The following SDK1 variants were observed in gnomAD, a reference collection of about 807,000 sequenced individuals.
SDK1 encodes the protein sidekick cell adhesion molecule 1.
Under a neutral mutation model 245.5 loss-of-function variants are expected in SDK1, and 157 were observed. The ratio of observed to expected loss-of-function variants is 0.64; its 90% CI spans 0.56 to 0.73. The LOEUF (loss-of-function observed/expected upper bound fraction) is 0.73, where lower values mean the gene tolerates loss of function less well. SDK1 is among the 30% of genes least tolerant of loss of function. SDK1 has a pLI of 0.00. For synonymous variants in SDK1, 1,647 were observed against 1,278.5 expected (o/e 1.29, Z -6.15); for missense variants, 3,583 against 3,002.3 (o/e 1.19, Z -4.52).
At position 4,091,800 on chromosome 7, in the gene SDK1, C is replaced by T. The variant is rs140118432; in HGVS notation, c.3324+12216C>T. Among the ~76,000 whole-genome samples the T allele has an allele frequency of 4.4e-3, 666 of 152,278 alleles. 8 individuals are homozygous for T. The highest frequency in any genetic ancestry group is 0.017 in the Middle Eastern group (5 of 294). On this transcript the variant is annotated intron_variant, in intron 22 of 44. Coordinates refer to ENST00000404826, the MANE Select transcript of SDK1 (RefSeq NM_152744.4). ...TCCAACCCTCTACATCACCAGCCAA[C>T]ACCTTTACAGCTCCGTCCAGGGAAA...
intron 4 of SDK1, among the ~76,000 whole-genome samples, chr7:3,738,761 T>C (rs531104738): frequency 3.3e-5 from 5 of 152,200 alleles, no homozygotes; most frequent in African/African-American, 1.2e-4. Context: ...CTTAAGTTTA[T>C]TTTTAAGTAT....
At position 4,237,741 on chromosome 7, in the gene SDK1, C is replaced by T. The variant is rs1220245589; in HGVS notation, c.6087C>T (p.Leu2029=). ...TCATCCTGCTGGTGGTGTTCGCCCT[C>T]GTCCTGCACGGGCAGAATAAGAAGT... The part of the protein sequence containing the change: ...LIVILLVVFA[L]VLHGQNKKYK... The change falls in exon 42 of 45, where the codon CTC becomes CTT. Residue 2029 remains leucine (L), a synonymous_variant. Coordinates refer to ENST00000404826, the MANE Select transcript of SDK1 (RefSeq NM_152744.4). 6.2e-7 allele frequency: 1 copy of T among 1,614,138 alleles called. No homozygotes were observed. The highest frequency in any genetic ancestry group is 2.2e-5 in the East Asian group (1 of 44,872).
At chr7:3,887,591 TA>T (rs1467102098) in intron 5 of SDK1, among the ~76,000 whole-genome samples, 85 of 152,368 alleles carry the variant, frequency 5.6e-4, no homozygotes, top group African/African-American at 2.0e-3. Flanking sequence ...TTGCTATTGC[TA>T]ATAAAATTCA....
chr7:3,751,745 C>G (rs1411035026), intron 4 of SDK1, among the ~76,000 whole-genome samples: 1 of 152,182 alleles, frequency 6.6e-6, no homozygotes, highest in Non-Finnish European at 1.5e-5. Context: ...AGGCTTCCAA[C>G]CAGTGCCCTG....
At chr7:3,756,500 C>T (rs142485071) in intron 4 of SDK1, among the ~76,000 whole-genome samples, 758 of 152,040 alleles carry the variant, frequency 5.0e-3, no homozygotes, top group Non-Finnish European at 7.6e-3. Flanking sequence ...TGGCATTGTG[C>T]GTGTGAGACA....
intron 1 of SDK1, among the ~76,000 whole-genome samples, chr7:3,556,696 C>T (rs1268930050): frequency 6.6e-6 from 1 of 151,994 alleles, no homozygotes; most frequent in Non-Finnish European, 1.5e-5. Flanking sequence ...GTGGTGCACA[C>T]CTGTAATCCC....
At chr7:4,227,016 G>A (rs1014792944) in intron 40 of SDK1, 2 of 174,462 alleles carry the variant, frequency 1.1e-5, no homozygotes, top group Non-Finnish European at 2.4e-5. Context: ...GTGCCTGATG[G>A]GGACACCCCC....
chr7:4,149,634 C>T (rs1015192071), intron 30 of SDK1, among the ~76,000 whole-genome samples, 171 bp downstream of exon 30: 4 of 152,184 alleles, frequency 2.6e-5, no homozygotes, highest in African/African-American at 9.6e-5. Flanking sequence ...ACTCCTGGGT[C>T]CTGGAGCTAC....
chr7:4,018,707 C>T (rs1036498692), intron 17 of SDK1, among the ~76,000 whole-genome samples: 3 of 152,142 alleles, frequency 2.0e-5, no homozygotes, highest in Non-Finnish European at 2.9e-5. Flanking sequence ...AGTGGATCTC[C>T]ACCTAATTGA....
chr7:3,645,695 G>A (rs1218062988), intron 4 of SDK1, among the ~76,000 whole-genome samples: 1 of 152,102 alleles, frequency 6.6e-6, no homozygotes, highest in African/African-American at 2.4e-5. Context: ...GACTGAAGAT[G>A]GGAGGGTATC....
intron 40 of SDK1, among the ~76,000 whole-genome samples, chr7:4,231,171 A>G (rs943592668): frequency 2.0e-5 from 3 of 152,322 alleles, no homozygotes. Flanking sequence ...GAACCTCAGC[A>G]TCCTAGGAGA....
At chr7:4,228,589 G>A (rs1417496641) in intron 40 of SDK1, among the ~76,000 whole-genome samples, 1 of 152,218 alleles carries the variant, frequency 6.6e-6, no homozygotes, top group Non-Finnish European at 1.5e-5. Flanking sequence ...GCCCAGGCTG[G>A]AGTGCAGTGG....
intron 5 of SDK1, among the ~76,000 whole-genome samples, chr7:3,865,183 C>G (rs751857834): frequency 1.3e-5 from 2 of 152,142 alleles, no homozygotes; most frequent in African/African-American, 4.8e-5. Context: ...GAAGCCCCAT[C>G]TGAGCCACAG....
At chr7:3,822,028 C>T (rs1379409953) in intron 5 of SDK1, among the ~76,000 whole-genome samples, 1 of 152,154 alleles carries the variant, frequency 6.6e-6, no homozygotes, top group Non-Finnish European at 1.5e-5. Context: ...TAAGCATAAT[C>T]AGTTGATCAT....
intron 4 of SDK1, among the ~76,000 whole-genome samples, chr7:3,648,096 C>T (rs567999127): frequency 1.3e-5 from 2 of 152,226 alleles, no homozygotes; most frequent in Admixed American, 1.3e-4. Context: ...CAAAGATGAG[C>T]TTAGCTTTGT....
chr7:4,191,628 G>T (rs547621206), intron 35 of SDK1, among the ~76,000 whole-genome samples: 7 of 152,240 alleles, frequency 4.6e-5, no homozygotes, highest in African/African-American at 1.7e-4. Context: ...CCCCCGAAGC[G>T]TGAGCCAGCC....
chr7:3,977,261 G>A (rs1332355378), intron 13 of SDK1, among the ~76,000 whole-genome samples: 1 of 30,862 alleles, frequency 3.2e-5, no homozygotes, highest in Non-Finnish European at 5.5e-5. Context: ...CTGAGGCTGC[G>A]AGGCTGCCAC....
Position 4,265,821 on chromosome 7 carries a change from G to A in SDK1, c.*437G>A, listed in dbSNP as rs1211416994. ...TTCTACCTCCTCTTCCAGAGAACCA[G>A]CGGCTCACACCCTTCTCAACGCAGG... On this transcript the variant is annotated 3_prime_UTR_variant, in exon 45 of 45. Coordinates refer to ENST00000404826, the MANE Select transcript of SDK1 (RefSeq NM_152744.4). The A allele has an allele frequency of 1.0e-6, 1 of 999,686 alleles. No individual in the cohort carries two copies. Among genetic ancestry groups the A allele is most frequent in the Non-Finnish European group, 1.2e-6 (1 of 840,794 alleles). 61.9% of individuals were successfully genotyped at this position (999,686 alleles called of 1,614,324 possible). A position where few individuals can be genotyped will look rare whatever the true frequency, so the allele number is the denominator to read the frequency against.
At chr7:4,167,749 G>A (rs1029306958) in intron 32 of SDK1, among the ~76,000 whole-genome samples, 1 of 152,232 alleles carries the variant, frequency 6.6e-6, no homozygotes, top group Non-Finnish European at 1.5e-5. Flanking sequence ...ACATGCGAAG[G>A]GCTGGGGACA....
Sources: allele counts gnomAD v4.1 joint callset (sites outside exome capture counted in the v4.1 genomes callset), GRCh38; gene constraint gnomAD v4.1.1; transcripts MANE v1.5; gene names NCBI Gene and HGNC (gene_info 2026-07-23, HGNC 2026-07-21).